Variants in TRPC7 observed in about 807,000 individuals in gnomAD.
The protein encoded by TRPC7 is transient receptor potential cation channel subfamily C member 7.
A neutral mutation model predicts 90.1 loss-of-function variants in TRPC7; 42 were observed. The observed-to-expected ratio is 0.47, with a 90% confidence interval of 0.36 to 0.60. The LOEUF is 0.60. Ranked by LOEUF, TRPC7 falls within the 20% of genes least tolerant of loss-of-function variation. The pLI is 0.00. For synonymous variants in TRPC7, 451 were observed against 436.3 expected, an observed-to-expected ratio of 1.03 and a Z score of -0.42; for missense variants, 955 against 1,112.3, an observed-to-expected ratio of 0.86 and a Z score of 2.01.
chr5:136,321,008 T>A (rs1006272173), intron 2 of TRPC7, among the ~76,000 whole-genome samples: 3 of 152,190 alleles, frequency 2.0e-5, no homozygotes, highest in African/African-American at 7.2e-5. Flanking sequence ...TTTTTCTGTG[T>A]CATTCACAAA....
intron 7 of TRPC7, among the ~76,000 whole-genome samples, chr5:136,244,346 T>C (rs1468585659): frequency 1.3e-5 from 2 of 152,160 alleles, no homozygotes; most frequent in Non-Finnish European, 2.9e-5. Context: ...CATTTTTCTG[T>C]GTGTCATGGC....
At chr5:136,274,509 A>G (rs10072983) in intron 4 of TRPC7, 164 bp downstream of exon 4, 92 of 747,410 alleles carry the variant, frequency 1.2e-4, no homozygotes, top group Non-Finnish European at 1.6e-4. Flanking sequence ...ACGTCTTAAC[A>G]TTTTTCCTTT....
intron 5 of TRPC7, among the ~76,000 whole-genome samples, chr5:136,265,565 T>C (rs55715619): frequency 0.046 from 6,999 of 152,298 alleles, 232 homozygotes; most frequent in Middle Eastern, 0.078. Context: ...TTTATTTTGT[T>C]CTGATTATTC....
intron 3 of TRPC7, among the ~76,000 whole-genome samples, chr5:136,295,614 A>C (rs1392170): frequency 0.64 from 97,380 of 151,958 alleles, 31,977 homozygotes; most frequent in African/African-American, 0.8. Flanking sequence ...CCTCAGCTTA[A>C]CACCACGTCC....
intron 6 of TRPC7, among the ~76,000 whole-genome samples, chr5:136,250,342 C>G (rs886176694): frequency 6.6e-6 from 1 of 152,238 alleles, no homozygotes; most frequent in African/African-American, 2.4e-5. Context: ...TACCTGACCA[C>G]AGAATCATTG....
intron 7 of TRPC7, among the ~76,000 whole-genome samples, chr5:136,240,191 T>G (rs1035336520): frequency 1.3e-5 from 2 of 152,194 alleles, no homozygotes; most frequent in Middle Eastern, 3.2e-3. Context: ...CAGAGTGCCC[T>G]TCCAGTCATC....
intron 3 of TRPC7, among the ~76,000 whole-genome samples, chr5:136,312,149 C>A (rs1027505781): frequency 6.6e-6 from 1 of 152,164 alleles, no homozygotes; most frequent in African/African-American, 2.4e-5. Context: ...TTCCCAGAAA[C>A]CCTGCTTGAC....
rs1009228276 is a variant in TRPC7 at position 136,347,292 on chromosome 5, A to G, written c.780+9316T>C. ...CCCATACTCAATTGAGTATTTGCCA[A>G]ATGAGATTTTGGGTGGCCAGAAAAG... On this transcript the variant is annotated intron_variant, in intron 2 of 11. Transcript: ENST00000513104. Among the ~76,000 whole-genome samples the G allele has an allele frequency of 2.0e-5, 3 of 152,156 alleles. No individual in the cohort carries two copies. The East Asian group carries it at 5.8e-4, about 29-fold the overall frequency.
chr5:136,317,806 C>G (rs1759068110), intron 2 of TRPC7, among the ~76,000 whole-genome samples: 1 of 152,176 alleles, frequency 6.6e-6, no homozygotes, highest in East Asian at 1.9e-4. Context: ...GTGAAAAGGA[C>G]TTGATCCAGC....
intron 5 of TRPC7, among the ~76,000 whole-genome samples, chr5:136,257,908 C>T (rs1203217127): frequency 6.6e-6 from 1 of 152,158 alleles, no homozygotes; most frequent in Non-Finnish European, 1.5e-5. Context: ...GAGTCACAGG[C>T]TGTAACTTAA....
chr5:136,214,657 C>T (rs567447737), intron 11 of TRPC7, among the ~76,000 whole-genome samples: 3 of 152,256 alleles, frequency 2.0e-5, no homozygotes, highest in Non-Finnish European at 4.4e-5. Context: ...TGTTTGAGAC[C>T]TACAAGTAGG....
intron 3 of TRPC7, among the ~76,000 whole-genome samples, chr5:136,297,736 T>A (rs1179307901): frequency 6.6e-6 from 1 of 152,222 alleles, no homozygotes; most frequent in African/African-American, 2.4e-5. Flanking sequence ...ATAAGTCATG[T>A]TCTGAGTTTC....
intron 1 of TRPC7, among the ~76,000 whole-genome samples, chr5:136,362,425 G>C (rs1188621717): frequency 1.3e-5 from 2 of 152,118 alleles, no homozygotes; most frequent in African/African-American, 2.4e-5. Context: ...ATGTAATGAT[G>C]AATGAATTGT....
At chr5:136,359,435 C>A (rs2149863581) in intron 1 of TRPC7, among the ~76,000 whole-genome samples, 1 of 151,268 alleles carries the variant, frequency 6.6e-6, no homozygotes, top group Non-Finnish European at 1.5e-5. Flanking sequence ...TCTGAACCAC[C>A]ATCCACTTTT....
chr5:136,330,730 C>T (rs574361372), intron 2 of TRPC7, among the ~76,000 whole-genome samples: 5 of 152,350 alleles, frequency 3.3e-5, no homozygotes, highest in South Asian at 2.1e-4. Flanking sequence ...GTCCACCCCA[C>T]GCTAAGTCAC....
chr5:136,332,922 G>A (rs1318345631), intron 2 of TRPC7, among the ~76,000 whole-genome samples: 1 of 152,156 alleles, frequency 6.6e-6, no homozygotes, highest in African/African-American at 2.4e-5. Context: ...GTATTAAGAG[G>A]CCTGCATCTC....
At chr5:136,215,970 A>T (rs1220423879) in intron 11 of TRPC7, among the ~76,000 whole-genome samples, 1 of 152,172 alleles carries the variant, frequency 6.6e-6, no homozygotes, top group East Asian at 1.9e-4. Flanking sequence ...GCACAGACCA[A>T]GTGCTGGAGC....
At chr5:136,297,963 C>T (rs1758239156) in intron 3 of TRPC7, among the ~76,000 whole-genome samples, 1 of 117,716 alleles carries the variant, frequency 8.5e-6, no homozygotes, top group African/African-American at 3.3e-5. Context: ...AGGTGCTACA[C>T]ATTCATTTAT....
At chr5:136,248,548 G>C (rs1756417709) in intron 6 of TRPC7, among the ~76,000 whole-genome samples, 1 of 152,178 alleles carries the variant, frequency 6.6e-6, no homozygotes, top group Admixed American at 6.5e-5. Context: ...CTTGGGTTTT[G>C]TTCCTCAGGT....
Sources: gnomAD v4.1 joint callset for allele counts (sites outside exome capture counted in the v4.1 genomes callset) on GRCh38, gnomAD v4.1.1 for gene constraint, MANE v1.5 for transcripts, NCBI Gene and HGNC (gene_info 2026-07-23, HGNC 2026-07-21) for gene names.